Variants in BNIP3L observed in about 807,000 individuals in gnomAD.
The protein encoded by BNIP3L is BCL2/adenovirus E1B 19 kDa protein-interacting protein 3-like.
A neutral mutation model predicts 25.5 loss-of-function variants in BNIP3L; 10 were observed. The observed-to-expected ratio is 0.39, with a 90% confidence interval of 0.24 to 0.67. BNIP3L has a LOEUF of 0.67. Ranked by LOEUF, BNIP3L falls within the 30% of genes least tolerant of loss-of-function variation. The probability of loss-of-function intolerance (pLI) is 0.45; values close to 1 mark genes in which losing one functional copy is unlikely to be tolerated. For missense variants in BNIP3L, 215 were observed against 270.9 expected, an observed-to-expected ratio of 0.79 and a Z score of 1.45; for synonymous variants, 113 against 101.2, an observed-to-expected ratio of 1.12 and a Z score of -0.70.
chr8:26,410,687 C>G lies in BNIP3L; in HGVS notation c.*275C>G. The G allele has an allele frequency of 4.5e-6, 2 of 441,498 alleles. No homozygotes were observed. Among genetic ancestry groups the G allele is most frequent in the Non-Finnish European group, 8.4e-6 (2 of 238,772 alleles). 27.3% of individuals were successfully genotyped at this position (441,498 alleles called of 1,614,324 possible). A position where few individuals can be genotyped will look rare whatever the true frequency, so the allele number is the denominator to read the frequency against. ...TGCAAGGGCTTCTTTTCCGCAAATGCCACCAGCAGATTATAATTTTGTCAG... is the reference window on the plus strand; with the variant it reads ...TGCAAGGGCTTCTTTTCCGCAAATGGCACCAGCAGATTATAATTTTGTCAG... On this transcript the variant is annotated 3_prime_UTR_variant, in exon 6 of 6. Coordinates refer to ENST00000380629, the MANE Select transcript of BNIP3L (RefSeq NM_004331.3).
intron 3 of BNIP3L, among the ~76,000 whole-genome samples, chr8:26,405,973 G>A (rs1806492210): frequency 6.6e-6 from 1 of 152,212 alleles, no homozygotes; most frequent in Non-Finnish European, 1.5e-5. Context: ...AACCCAGGAG[G>A]CAGAGGTTGC....
At chr8:26,401,554 C>T (rs1329268408) in intron 3 of BNIP3L, among the ~76,000 whole-genome samples, 4 of 104,496 alleles carry the variant, frequency 3.8e-5, no homozygotes, top group African/African-American at 1.5e-4. Flanking sequence ...TACCCTAAAA[C>T]TTAAATTAAA....
At chr8:26,401,538 C>A in intron 3 of BNIP3L, among the ~76,000 whole-genome samples, 1 of 133,714 alleles carries the variant, frequency 7.5e-6, no homozygotes. Context: ...GCACAATGTG[C>A]ACATGTACCC....
At chr8:26,409,962 A>G (rs1052094480) in intron 5 of BNIP3L, among the ~76,000 whole-genome samples, 2 of 151,970 alleles carry the variant, frequency 1.3e-5, no homozygotes, top group Non-Finnish European at 2.9e-5. Context: ...TTTGTCCTAC[A>G]TAGAGCACCA....
intron 1 of BNIP3L, among the ~76,000 whole-genome samples, chr8:26,384,189 T>G (rs1237070763): frequency 1.3e-5 from 2 of 152,142 alleles, no homozygotes; most frequent in African/African-American, 2.4e-5. Context: ...AATTCAACTC[T>G]TGGGAAAGAG....
At chr8:26,384,603 C>T (rs1014647475) in intron 1 of BNIP3L, among the ~76,000 whole-genome samples, 1 of 152,150 alleles carries the variant, frequency 6.6e-6, no homozygotes, top group African/African-American at 2.4e-5. Flanking sequence ...AGCTAGCTAA[C>T]TGCCTCCTGT....
intron 1 of BNIP3L, chr8:26,383,458 C>T: frequency 1.5e-6 from 2 of 1,297,132 alleles, no homozygotes; most frequent in Non-Finnish European, 2.0e-6. Context: ...CGTTTGGGCT[C>T]GCGGTCCGGG....
intron 1 of BNIP3L, among the ~76,000 whole-genome samples, chr8:26,387,201 C>A (rs1225172347): frequency 6.6e-6 from 1 of 152,122 alleles, no homozygotes; most frequent in Non-Finnish European, 1.5e-5. Flanking sequence ...AGTATAATCA[C>A]AATTATTGGA....
intron 5 of BNIP3L, among the ~76,000 whole-genome samples, chr8:26,410,141 C>A (rs571511937): frequency 1.3e-5 from 2 of 152,054 alleles, no homozygotes; most frequent in African/African-American, 2.4e-5. Flanking sequence ...TGTCGAGCCC[C>A]GATATTTAAT....
chr8:26,394,269 T>C (rs963645103), intron 2 of BNIP3L, among the ~76,000 whole-genome samples: 71 of 152,256 alleles, frequency 4.7e-4, no homozygotes, highest in African/African-American at 1.4e-3. Flanking sequence ...GTTCTAAGAA[T>C]GTATTTTGTG....
At chr8:26,404,188 G>A (rs941340129) in intron 3 of BNIP3L, among the ~76,000 whole-genome samples, 16 of 152,208 alleles carry the variant, frequency 1.1e-4, no homozygotes, top group Non-Finnish European at 2.4e-4. Context: ...TCAGAAAACA[G>A]ACTGTAGATT....
At chr8:26,390,754 T>C (rs1009423242) in intron 1 of BNIP3L, among the ~76,000 whole-genome samples, 1 of 152,198 alleles carries the variant, frequency 6.6e-6, no homozygotes, top group Non-Finnish European at 1.5e-5. Context: ...CTAAGTAGGA[T>C]ATAGTTGCTA....
intron 2 of BNIP3L, among the ~76,000 whole-genome samples, chr8:26,393,227 A>G (rs922761118): frequency 1.3e-5 from 2 of 151,482 alleles, no homozygotes; most frequent in Non-Finnish European, 2.9e-5. Flanking sequence ...GTAGGGGGAA[A>G]TGTTTTAGGG....
In BNIP3L at chr8:26,392,024, G is replaced by A. The variant is rs989646585; in HGVS notation, c.284+598G>A. 4.7e-4 allele frequency among the ~76,000 whole-genome samples: 71 copies of A among 152,252 alleles called. 1 individual carries two copies. Among genetic ancestry groups the A allele is most frequent in the Admixed American group, 4.5e-3 (69 of 15,304 alleles). ...AGTCTCCTCTGCTTTCTCAGGGGAT[G>A]TTTTGTTTCAGACCTCATTTTTCTA... is the stretch of plus-strand genomic sequence containing the variant. On this transcript the variant is annotated intron_variant, in intron 2 of 5. Coordinates refer to ENST00000380629, the MANE Select transcript of BNIP3L (RefSeq NM_004331.3).
chr8:26,402,399 A>G (rs925272480), intron 3 of BNIP3L, among the ~76,000 whole-genome samples: 1 of 152,248 alleles, frequency 6.6e-6, no homozygotes, highest in African/African-American at 2.4e-5. Flanking sequence ...GTACCACGGA[A>G]TCCAGGAGAG....
chr8:26,383,506 G>T (rs1211034478), intron 1 of BNIP3L: 17 of 1,056,372 alleles, frequency 1.6e-5, no homozygotes, highest in Non-Finnish European at 1.9e-5. Flanking sequence ...GGTGCGGGGG[G>T]TGGTCCCCAG....
At chr8:26,390,276 C>T (rs1806074735) in intron 1 of BNIP3L, 1 of 885,220 alleles carries the variant, frequency 1.1e-6, no homozygotes, top group South Asian at 5.2e-5. Context: ...AAAATTAAAG[C>T]ACCTTAATAC....
At chr8:26,385,700 G>A (rs1248547464) in intron 1 of BNIP3L, among the ~76,000 whole-genome samples, 4 of 152,018 alleles carry the variant, frequency 2.6e-5, no homozygotes, top group African/African-American at 9.7e-5. Flanking sequence ...TTGGCCAGTC[G>A]GTTCCTGCTT....
chr8:26,395,564 G>C (rs1256297343), intron 3 of BNIP3L: 1 of 392,598 alleles, frequency 2.5e-6, no homozygotes, highest in African/African-American at 2.1e-5. Context: ...AGTTTCTTGA[G>C]TGTATAAGTA....
Sources: gnomAD v4.1 joint callset for allele counts (sites outside exome capture counted in the v4.1 genomes callset) on GRCh38, gnomAD v4.1.1 for gene constraint, MANE v1.5 for transcripts, NCBI Gene and HGNC (gene_info 2026-07-23, HGNC 2026-07-21) for gene names.